The following CFAP300 variants were observed in gnomAD, a reference collection of about 807,000 sequenced individuals.
CFAP300 encodes cilia and flagella associated protein 300.
In CFAP300, 32 loss-of-function variants were observed where a neutral mutation model predicts 33.0. That is an observed-to-expected ratio of 0.97 (90% CI 0.73 to 1.30). The LOEUF (loss-of-function observed/expected upper bound fraction) is 1.30. CFAP300 is among the 50% of genes most tolerant of loss of function. CFAP300 has a pLI of 0.00. For missense variants in CFAP300, 356 were observed against 318.1 expected (o/e 1.12, Z -0.90); for synonymous variants, 102 against 106.8 (o/e 0.95, Z 0.28).
chr11:102,065,583 A>G (rs918229669), intron 3 of CFAP300, among the ~76,000 whole-genome samples: 1 of 151,832 alleles, frequency 6.6e-6, no homozygotes, highest in Non-Finnish European at 1.5e-5. Context: ...CCTGACCAAC[A>G]TGGAGAAACC....
At chr11:102,055,670 C>A (rs1450531206) in intron 2 of CFAP300, among the ~76,000 whole-genome samples, 1 of 140,914 alleles carries the variant, frequency 7.1e-6, no homozygotes, top group East Asian at 2.2e-4. Context: ...CCTAAACTAC[C>A]CTTTTTTTTT....
At chr11:102,055,072 C>T (rs1034637878) in intron 2 of CFAP300, among the ~76,000 whole-genome samples, 16 of 151,602 alleles carry the variant, frequency 1.1e-4, no homozygotes, top group South Asian at 2.1e-4. Flanking sequence ...CCTCTGCCTC[C>T]GGGATTCAAG....
intron 3 of CFAP300, among the ~76,000 whole-genome samples, chr11:102,061,194 A>G (rs1221032171): frequency 2.0e-5 from 3 of 152,218 alleles, no homozygotes; most frequent in African/African-American, 7.2e-5. Context: ...ATAGGACAGA[A>G]GAATAATAAC....
intron 4 of CFAP300, 103 bp from the exon 5 acceptor site, chr11:102,075,770 A>G: frequency 1.1e-6 from 1 of 875,272 alleles, no homozygotes; most frequent in Non-Finnish European, 1.7e-6. Context: ...ATTGGTTCTT[A>G]AAATAGGTGT....
At chr11:102,049,807 C>G (rs890880881) in intron 2 of CFAP300, among the ~76,000 whole-genome samples, 6 of 151,564 alleles carry the variant, frequency 4.0e-5, no homozygotes, top group Non-Finnish European at 7.4e-5. Flanking sequence ...AGACCTGATC[C>G]CAGCTTACAA....
intron 3 of CFAP300, among the ~76,000 whole-genome samples, chr11:102,059,467 G>A (rs1159939873): frequency 6.6e-6 from 1 of 151,874 alleles, no homozygotes; most frequent in African/African-American, 2.4e-5. Flanking sequence ...TGGCCAGCAT[G>A]GTGAAACCCC....
intron 3 of CFAP300, among the ~76,000 whole-genome samples, chr11:102,060,624 T>TATTA (rs1434014112): frequency 6.6e-6 from 1 of 152,174 alleles, no homozygotes; most frequent in Non-Finnish European, 1.5e-5. Flanking sequence ...AGGTTGAGAT[T>TATTA]ATCTTAGCAA....
At chr11:102,067,770 A>G (rs368429966) in intron 4 of CFAP300, among the ~76,000 whole-genome samples, 8 of 152,272 alleles carry the variant, frequency 5.3e-5, no homozygotes, top group African/African-American at 1.7e-4. Context: ...GGCCAGGTGC[A>G]GTGGAGCGCA....
At chr11:102,060,253 G>A (rs1942129616) in intron 3 of CFAP300, among the ~76,000 whole-genome samples, 1 of 151,106 alleles carries the variant, frequency 6.6e-6, no homozygotes, top group Non-Finnish European at 1.5e-5. Context: ...GATTACAGGC[G>A]TGAACCACCA....
intron 6 of CFAP300, 150 bp downstream of exon 6, chr11:102,081,431 G>A (rs1450702128): frequency 2.9e-6 from 2 of 680,370 alleles, no homozygotes; most frequent in South Asian, 4.2e-5. Flanking sequence ...AGTTGATAGA[G>A]TATGCTTTTG....
In CFAP300 at chr11:102,081,220, G is replaced by C; in HGVS notation, c.614G>C (p.Arg205Pro). Residue 205 changes from arginine to proline, a missense_variant, in exon 6 of 7, where the codon CGA becomes CCA. By Grantham distance (103) the Arg-to-Pro change is moderately radical (BLOSUM62 -2). Coordinates refer to ENST00000434758, the MANE Select transcript of CFAP300 (RefSeq NM_032930.3). The stretch of plus-strand genomic sequence containing the variant: ...CCTTTTCTTCCTTTTTTTAGTGTTC[G>C]AAAGAATCCTCAAACCAAGAAAATA... ...KLIYKDLVSV[R>P]KNPQTKKIQI... The C allele has an allele frequency of 6.2e-7, 1 of 1,604,432 alleles. No homozygotes were observed. Among genetic ancestry groups the C allele is most frequent in the Non-Finnish European group, 8.5e-7 (1 of 1,177,240 alleles).
rs183030957 is a variant in CFAP300 at position 102,062,078 on chromosome 11, G to A, written c.268+3123G>A. Among the ~76,000 whole-genome samples, 7 of 152,244 alleles carry A rather than the reference G, an allele frequency of 4.6e-5. No homozygotes were observed. In the East Asian group the frequency reaches 1.2e-3, roughly 25 times the overall value. ...GTTTAGATGAGGGCACTAGGGTGGG[G>A]CCCTCATGGTGGGATTAATGCCTTT... is the stretch of plus-strand genomic sequence containing the variant. On this transcript the variant is annotated intron_variant, in intron 3 of 6. Transcript: ENST00000434758.
In CFAP300 at chr11:102,056,539, C is replaced by A. The variant is rs2135019107; in HGVS notation, c.193-2341C>A. Among the ~76,000 whole-genome samples the A allele has an allele frequency of 1.3e-5, 2 of 152,166 alleles. 1 individual carries two copies. Among genetic ancestry groups the A allele is most frequent in the South Asian group, 4.1e-4 (2 of 4,820 alleles). On this transcript the variant is annotated intron_variant, in intron 2 of 6. Coordinates refer to ENST00000434758, the MANE Select transcript of CFAP300 (RefSeq NM_032930.3). The stretch of plus-strand genomic sequence containing the variant: ...TTCTGGATTTTATTTTCATTTCTTT[C>A]ACTGCTCTTGAAATTGAGCATCTTT...
Position 102,066,494 on chromosome 11 carries a change from T to A in CFAP300, c.278T>A (p.Val93Glu). 1 of 1,586,092 alleles carries A rather than the reference T, an allele frequency of 6.3e-7. No individual in the cohort carries two copies. Among genetic ancestry groups the A allele is most frequent in the Non-Finnish European group, 8.6e-7 (1 of 1,169,498 alleles). ...SGQWIILGTE[V>E]KKIEAINVPC... The stretch of plus-strand genomic sequence containing the variant: ...AAATATCTTTTTTCAGGAACTGAAG[T>A]GAAAAAAATTGAAGCTATAAATGTT... The change falls in exon 4 of 7, where the codon GTG (valine) becomes GAG (glutamate). Residue 93 changes from valine (V) to glutamate (E), a missense_variant. Val to Glu is a moderately radical substitution (Grantham distance 121, BLOSUM62 -2). Transcript: ENST00000434758.
At chr11:102,070,070 T>C (rs1218145846) in intron 4 of CFAP300, among the ~76,000 whole-genome samples, 1 of 152,178 alleles carries the variant, frequency 6.6e-6, no homozygotes, top group Non-Finnish European at 1.5e-5. Context: ...TTCACCTTTC[T>C]CTTAAGCCAG....
In CFAP300 at chr11:102,058,884, T is replaced by C. The variant is rs1942098249; in HGVS notation, c.197T>C (p.Phe66Ser). The C allele has an allele frequency of 1.9e-6, 3 of 1,573,250 alleles. No individual in the cohort carries two copies. The highest frequency in any genetic ancestry group is 2.3e-5 in the East Asian group (1 of 44,046). ...SYRKDDFVMA[F>S]FKDPNVIPNL... ...CCCCTCAAATTTGTATTTTAGGCTTTTTTCAAAGACCCAAATGTTATTCCC... is the reference window on the plus strand; with the variant it reads ...CCCCTCAAATTTGTATTTTAGGCTTCTTTCAAAGACCCAAATGTTATTCCC... The change falls in exon 3 of 7, where the codon TTT becomes TCT. Residue 66 changes from phenylalanine to serine, a missense_variant. Coordinates refer to ENST00000434758, the MANE Select transcript of CFAP300 (RefSeq NM_032930.3).
At chr11:102,065,541 C>T (rs866486200) in intron 3 of CFAP300, among the ~76,000 whole-genome samples, 8 of 151,986 alleles carry the variant, frequency 5.3e-5, no homozygotes, top group Middle Eastern at 6.8e-3. Flanking sequence ...CCGAGGCGGG[C>T]GGATCACCTA....
rs906436778 is a variant in CFAP300, at chr11:102,078,183, G to A, written c.608+2138G>A. 5.9e-5 allele frequency among the ~76,000 whole-genome samples: 9 copies of A among 152,070 alleles called. 1 individual carries two copies. In the East Asian group the frequency reaches 1.4e-3, roughly 23 times the overall value. On this transcript the variant is annotated intron_variant, in intron 5 of 6. Transcript: ENST00000434758. ...GCTGGGATTACAGGTGTAAGCCGCC[G>A]CGCCCAGTCAGGTCCTTGTTTTTTA... is the stretch of plus-strand genomic sequence containing the variant.
intron 3 of CFAP300, among the ~76,000 whole-genome samples, chr11:102,059,281 ATG>A (rs55657614): frequency 0.033 from 4,921 of 148,426 alleles, 79 homozygotes; most frequent in Middle Eastern, 0.059. Flanking sequence ...ATATGTTAAA[ATG>A]TGTGTGTGTG....
Sources: allele counts gnomAD v4.1 joint callset (sites outside exome capture counted in the v4.1 genomes callset), GRCh38; gene constraint gnomAD v4.1.1; transcripts MANE v1.5; gene names NCBI Gene and HGNC (gene_info 2026-07-23, HGNC 2026-07-21).